NRG1: variants seen among roughly 807,000 people sequenced by gnomAD.
NRG1 encodes pro-neuregulin-1, membrane-bound isoform.
Under a neutral mutation model 63.8 loss-of-function variants are expected in NRG1, and 18 were observed. The observed-to-expected ratio is 0.28, with a 90% CI of 0.19 to 0.42. The LOEUF (loss-of-function observed/expected upper bound fraction) is 0.42, where lower values mean the gene tolerates loss of function less well. NRG1 is among the 10% of genes least tolerant of loss of function. NRG1 has a pLI of 1.00. For synonymous variants in NRG1, 302 were observed against 301.3 expected, an observed-to-expected ratio of 1.00 and a Z score of -0.02; for missense variants, 762 against 814.7, an observed-to-expected ratio of 0.94 and a Z score of 0.79.
intron 1 of NRG1, among the ~76,000 whole-genome samples, chr8:32,587,572 TAA>T (rs1336546996): frequency 2.0e-5 from 3 of 152,118 alleles, no homozygotes; most frequent in African/African-American, 4.8e-5. Context: ...TTCCAAATAA[TAA>T]AAAGTCATAG....
exon 2 of NRG1, chr8:32,596,004 G>C: frequency 6.2e-7 from 1 of 1,612,308 alleles, no homozygotes; most frequent in Non-Finnish European, 8.5e-7. Context: ...AAAAAAGCCA[G>C]GGTAAGTATA....
rs1044606093 is a variant in NRG1 at position 32,318,229 on chromosome 8, G to A, written c.38-277599G>A. On this transcript the variant is annotated intron_variant, in intron 1 of 10. Coordinates refer to the NRG1 transcript ENST00000519301. The stretch of plus-strand genomic sequence containing the variant: ...AAACAGAGGGAAAATTTTGAACAGA[G>A]TGATTCTTGTAATAAGAGAAGACTT... Among the ~76,000 whole-genome samples, 6 of 152,176 alleles carry A rather than the reference G, an allele frequency of 3.9e-5. No individual in the cohort carries two copies. In the South Asian group the frequency reaches 1.0e-3, roughly 26 times the overall value.
intron 5 of NRG1, among the ~76,000 whole-genome samples, chr8:32,707,848 G>A (rs1816820208): frequency 6.6e-6 from 1 of 151,690 alleles, no homozygotes; most frequent in Admixed American, 6.6e-5. Flanking sequence ...ATTTAAGCCT[G>A]GTAAGCATCT....
chr8:31,895,153 G>T (rs1411168880), intron 1 of NRG1, among the ~76,000 whole-genome samples: 1 of 152,170 alleles, frequency 6.6e-6, no homozygotes, highest in Non-Finnish European at 1.5e-5. Context: ...AGAGATTAAG[G>T]TCCCCTGTTA....
chr8:32,563,900 T>C (rs1419363744), intron 1 of NRG1, among the ~76,000 whole-genome samples: 1 of 152,180 alleles, frequency 6.6e-6, no homozygotes, highest in African/African-American at 2.4e-5. Flanking sequence ...AACTCTGAAT[T>C]GTCATCAAGC....
intron 1 of NRG1, among the ~76,000 whole-genome samples, chr8:31,859,415 T>C (rs1208490132): frequency 1.3e-5 from 2 of 152,160 alleles, no homozygotes; most frequent in Non-Finnish European, 2.9e-5. Context: ...CACAATGTGA[T>C]CTATACCTAA....
intron 1 of NRG1, among the ~76,000 whole-genome samples, chr8:32,181,424 A>T (rs1027593673): frequency 1.3e-5 from 2 of 152,150 alleles, no homozygotes; most frequent in Non-Finnish European, 1.5e-5. Flanking sequence ...TCTATACTTT[A>T]TTCTCTTTTA....
At chr8:32,425,804 A>C (rs1001555525) in intron 1 of NRG1, among the ~76,000 whole-genome samples, 4 of 152,230 alleles carry the variant, frequency 2.6e-5, no homozygotes, top group Non-Finnish European at 5.9e-5. Context: ...CTAGAGGCTT[A>C]AGAAAAGTAT....
chr8:32,742,693 T>G lies in NRG1; in HGVS notation c.651T>G (p.Thr217=). The change falls in exon 7 of 12, where the codon ACT becomes ACG. Residue 217 remains threonine, a synonymous_variant. Coordinates refer to ENST00000356819, the Ensembl canonical transcript of NRG1. This position sits in a 1 kb window ranked among gnomAD's most constrained non-coding sequence, Gnocchi z 4.2. ...CTCTCAGGTGCCCAAATGAGTTTACTGGTGATCGCTGCCAAAACTACGTAA... is the reference window on the plus strand; with the variant it reads ...CTCTCAGGTGCCCAAATGAGTTTACGGGTGATCGCTGCCAAAACTACGTAA... 1 of 1,613,804 alleles carries G rather than the reference T, an allele frequency of 6.2e-7. No individual in the cohort carries two copies. The highest frequency in any genetic ancestry group is 8.5e-7 in the Non-Finnish European group (1 of 1,179,734).
intron 1 of NRG1, among the ~76,000 whole-genome samples, chr8:31,976,484 G>A (rs1808196875): frequency 6.6e-6 from 1 of 152,042 alleles, no homozygotes; most frequent in Admixed American, 6.6e-5. Flanking sequence ...TGTGAGTGGT[G>A]GGGGGAGATG....
chr8:32,453,869 C>T (rs916370888), intron 1 of NRG1, among the ~76,000 whole-genome samples: 7 of 152,186 alleles, frequency 4.6e-5, no homozygotes, highest in South Asian at 2.1e-4. Flanking sequence ...GCCTTTCCAT[C>T]CCTGCACATC....
chr8:31,680,275 A>T (rs796267438), intron 1 of NRG1, among the ~76,000 whole-genome samples: 1 of 147,748 alleles, frequency 6.8e-6, no homozygotes, highest in Non-Finnish European at 1.5e-5. Flanking sequence ...ATATCTCCCA[A>T]TGCTATCCCT....
At chr8:31,874,962 A>G (rs1173184171) in intron 1 of NRG1, among the ~76,000 whole-genome samples, 4 of 151,940 alleles carry the variant, frequency 2.6e-5, no homozygotes, top group African/African-American at 9.7e-5. Flanking sequence ...CAAGCAAATA[A>G]CAACCAAGAA....
Position 32,420,053 on chromosome 8 carries a change from A to G in NRG1, c.38-175775A>G, listed in dbSNP as rs185007144. On this transcript the variant is annotated intron_variant, in intron 1 of 10. Coordinates refer to the NRG1 transcript ENST00000519301. ...ATGCTGATGACTCTTCCAGAAGGCA[A>G]TCCTCTTATGAGGGTCAGGGTCTAG... Among the ~76,000 whole-genome samples, 16 of 152,314 alleles carry G rather than the reference A, an allele frequency of 1.1e-4. No homozygotes were observed. In the East Asian group the frequency reaches 2.7e-3, roughly 26 times the overall value.
chr8:31,846,405 T>C (rs922792388), intron 1 of NRG1, among the ~76,000 whole-genome samples: 1 of 152,304 alleles, frequency 6.6e-6, no homozygotes, highest in Non-Finnish European at 1.5e-5. Context: ...TATATTCTGG[T>C]TCATTACCAG....
chr8:31,735,917 TC>T (rs1213309754), intron 1 of NRG1, among the ~76,000 whole-genome samples: 2 of 152,188 alleles, frequency 1.3e-5, no homozygotes, highest in African/African-American at 4.8e-5. Context: ...ACTGCTACCA[TC>T]CGTCATCTTT....
intron 5 of NRG1, among the ~76,000 whole-genome samples, chr8:32,681,035 G>A (rs1808481819): frequency 6.6e-6 from 1 of 152,114 alleles, no homozygotes. Context: ...TGATTGCAAA[G>A]CCAGTTCTCT....
chr8:32,675,223 A>T (rs969346192), intron 5 of NRG1, among the ~76,000 whole-genome samples: 1 of 152,186 alleles, frequency 6.6e-6, no homozygotes, highest in African/African-American at 2.4e-5. Flanking sequence ...ACCAAGCTGT[A>T]TATTTTTTTC....
chr8:32,043,667 C>G (rs1256336826), intron 1 of NRG1, among the ~76,000 whole-genome samples: 1 of 151,762 alleles, frequency 6.6e-6, no homozygotes, highest in Non-Finnish European at 1.5e-5. Flanking sequence ...ATAAAAGGAC[C>G]TATATGATGG....
Sources: allele counts gnomAD v4.1 joint callset (sites outside exome capture counted in the v4.1 genomes callset), GRCh38; gene constraint gnomAD v4.1.1; non-coding constraint Gnocchi (gnomAD v3.1); transcripts MANE v1.5; gene names NCBI Gene and HGNC (gene_info 2026-07-23, HGNC 2026-07-21).